Variants in SLCO3A1 observed in about 807,000 individuals in gnomAD.
SLCO3A1 encodes solute carrier organic anion transporter family member 3A1.
In SLCO3A1, 27 loss-of-function variants were observed where a neutral mutation model predicts 63.1. That is an observed-to-expected ratio of 0.43 (90% CI 0.32 to 0.59). The LOEUF (loss-of-function observed/expected upper bound fraction) is 0.59, where lower values mean the gene tolerates loss of function less well. SLCO3A1 is among the 20% of genes least tolerant of loss of function. SLCO3A1 has a pLI of 0.09. For synonymous variants in SLCO3A1, 473 were observed against 409.9 expected, an observed-to-expected ratio of 1.15 and a Z score of -1.86; for missense variants, 773 against 945.8, an observed-to-expected ratio of 0.82 and a Z score of 2.40.
rs77162607 is a variant in SLCO3A1 at position 91,863,678 on chromosome 15, C to G, written c.180+9590C>G. Reference sequence around the variant, plus strand: ...TAGGAAAGGAGCATATTTTTTTGGCCGGAGTGATGATTGAGGAGAAGAAAC... The same window carrying G: ...TAGGAAAGGAGCATATTTTTTTGGCGGGAGTGATGATTGAGGAGAAGAAAC... On this transcript the variant is annotated intron_variant, in intron 1 of 9. Transcript: ENST00000318445. This position sits in a 1 kb window ranked among gnomAD's most constrained non-coding sequence, Gnocchi z 4.3. Among the ~76,000 whole-genome samples the G allele has an allele frequency of 6.6e-6, 1 of 151,902 alleles. No homozygotes were observed. The highest frequency in any genetic ancestry group is 1.5e-5 in the Non-Finnish European group (1 of 67,964).
chr15:91,960,575 A>C (rs1900408530), intron 2 of SLCO3A1, among the ~76,000 whole-genome samples: 1 of 152,156 alleles, frequency 6.6e-6, no homozygotes, highest in South Asian at 2.1e-4. Context: ...TCAAATTAAG[A>C]ACATATTTTG....
At chr15:92,113,317 T>C (rs1251081941) in intron 4 of SLCO3A1, among the ~76,000 whole-genome samples, 1 of 152,084 alleles carries the variant, frequency 6.6e-6, no homozygotes, top group African/African-American at 2.4e-5. Context: ...GGCAGCCACA[T>C]GACTTTTTCT....
chr15:92,031,630 T>C (rs2046649632), intron 2 of SLCO3A1, among the ~76,000 whole-genome samples: 1 of 152,142 alleles, frequency 6.6e-6, no homozygotes, highest in Non-Finnish European at 1.5e-5. Flanking sequence ...ACCTTCACTC[T>C]TGGGAGGGGC....
intron 2 of SLCO3A1, among the ~76,000 whole-genome samples, chr15:91,978,924 G>A (rs1169048337): frequency 1.3e-5 from 2 of 152,198 alleles, no homozygotes; most frequent in Non-Finnish European, 2.9e-5. Flanking sequence ...TCAACACTTA[G>A]CATAAGCTAC....
intron 2 of SLCO3A1, among the ~76,000 whole-genome samples, chr15:92,065,377 C>T (rs903911526): frequency 2.0e-5 from 3 of 152,190 alleles, no homozygotes; most frequent in African/African-American, 7.2e-5. Flanking sequence ...TGTGAGCCAC[C>T]ACACCCGGCC....
At chr15:92,056,089 T>C (rs1289810433) in intron 2 of SLCO3A1, among the ~76,000 whole-genome samples, 1 of 152,212 alleles carries the variant, frequency 6.6e-6, no homozygotes, top group Non-Finnish European at 1.5e-5. Context: ...TAGTCTTTGT[T>C]GCGTCTGCAG....
intron 2 of SLCO3A1, among the ~76,000 whole-genome samples, chr15:91,983,145 A>C (rs191481960): frequency 6.6e-6 from 1 of 152,330 alleles, no homozygotes. Context: ...GATACACTTG[A>C]CCTTTGCTGT....
intron 1 of SLCO3A1, chr15:91,889,126 C>T (rs529139103): frequency 1.2e-5 from 15 of 1,263,472 alleles, no homozygotes; most frequent in African/African-American, 1.1e-4. Context: ...GCTAAGTGGA[C>T]GTGGATGGTT....
intron 2 of SLCO3A1, among the ~76,000 whole-genome samples, chr15:91,982,731 G>A (rs2046003355): frequency 6.6e-6 from 1 of 152,274 alleles, no homozygotes; most frequent in Non-Finnish European, 1.5e-5. Context: ...TTTGAGTGAA[G>A]CACAGGCTAA....
chr15:91,906,000 G>T (rs1898294596), intron 1 of SLCO3A1, among the ~76,000 whole-genome samples: 1 of 152,166 alleles, frequency 6.6e-6, no homozygotes, highest in African/African-American at 2.4e-5. Context: ...GACCAGTGGG[G>T]TTGGGCGTCA....
chr15:91,991,711 G>C (rs2046127892), intron 2 of SLCO3A1, among the ~76,000 whole-genome samples: 2 of 152,198 alleles, frequency 1.3e-5, no homozygotes, highest in Non-Finnish European at 1.5e-5. Flanking sequence ...TTCTGTTTTT[G>C]CATGTAAGTC....
intron 4 of SLCO3A1, among the ~76,000 whole-genome samples, chr15:92,110,053 C>A (rs2047710468): frequency 6.6e-6 from 1 of 152,170 alleles, no homozygotes; most frequent in Non-Finnish European, 1.5e-5. Flanking sequence ...TGTAACAAAG[C>A]CCTTCCTGTG....
At chr15:92,134,333 CT>C (rs1406172762) in intron 7 of SLCO3A1, among the ~76,000 whole-genome samples, 1 of 152,210 alleles carries the variant, frequency 6.6e-6, no homozygotes, top group Non-Finnish European at 1.5e-5. Flanking sequence ...TCAAACCCTA[CT>C]GGGGCATCGC....
At chr15:92,137,549 A>G (rs1435580358) in intron 7 of SLCO3A1, among the ~76,000 whole-genome samples, 1 of 107,452 alleles carries the variant, frequency 9.3e-6, no homozygotes, top group Non-Finnish European at 1.8e-5. Flanking sequence ...GAATTGCCAC[A>G]CTGACTTCCA....
chr15:92,088,400 G>C (rs2047431557), intron 2 of SLCO3A1, among the ~76,000 whole-genome samples: 1 of 152,196 alleles, frequency 6.6e-6, no homozygotes, highest in African/African-American at 2.4e-5. Flanking sequence ...CAAAACCTTT[G>C]TGCAATATTC....
At chr15:91,922,054 A>G (rs1898865904) in intron 2 of SLCO3A1, among the ~76,000 whole-genome samples, 1 of 152,152 alleles carries the variant, frequency 6.6e-6, no homozygotes, top group South Asian at 2.1e-4. Context: ...CCAGTTTTAT[A>G]TGTGCTCATT....
At chr15:92,027,368 A>G in intron 2 of SLCO3A1, among the ~76,000 whole-genome samples, 1 of 152,258 alleles carries the variant, frequency 6.6e-6, no homozygotes, top group East Asian at 1.9e-4. Flanking sequence ...TAATGCCTTT[A>G]CATACGTTGT....
intron 2 of SLCO3A1, among the ~76,000 whole-genome samples, chr15:91,955,494 G>A (rs1309231299): frequency 2.0e-5 from 3 of 152,116 alleles, no homozygotes; most frequent in South Asian, 2.1e-4. Flanking sequence ...CGCCCCACCC[G>A]GCCAAGTTTT....
chr15:91,957,027 ATAT>A lies in SLCO3A1; in HGVS notation c.646+40570_646+40572del. ...ATATATATAATATATAGTATATATAATATATAATATATAGTATATATATAATAT... is the reference window on the plus strand; with the variant it reads ...ATATATATAATATATAGTATATATAAATAATATATAGTATATATATAATAT... On this transcript the variant is annotated intron_variant, in intron 2 of 9. Transcript: ENST00000318445. Among the ~76,000 whole-genome samples, 2 of 332 alleles carry A rather than the reference ATAT, an allele frequency of 6.0e-3. 1 individual carries two copies. The highest frequency in any genetic ancestry group is 0.14 in the East Asian group (2 of 14). 0.2% of individuals were successfully genotyped at this position (332 alleles called of 152,430 possible).
Sources: allele counts gnomAD v4.1 joint callset (sites outside exome capture counted in the v4.1 genomes callset), GRCh38; gene constraint gnomAD v4.1.1; non-coding constraint Gnocchi (gnomAD v3.1); transcripts MANE v1.5; gene names NCBI Gene and HGNC (gene_info 2026-07-23, HGNC 2026-07-21).